The following KCNMB4 variants were observed in gnomAD, a reference collection of about 807,000 sequenced individuals.
KCNMB4 encodes the protein potassium calcium-activated channel subfamily M regulatory beta subunit 4.
In KCNMB4, 3 loss-of-function variants were observed where a neutral mutation model predicts 20.7. The ratio of observed to expected loss-of-function variants is 0.14; its 90% CI spans 0.07 to 0.37. The LOEUF is 0.37. KCNMB4 is among the 10% of genes least tolerant of loss of function. The pLI is 1.00. For synonymous variants in KCNMB4, 110 were observed against 113.4 expected, an observed-to-expected ratio of 0.97 and a Z score of 0.19; for missense variants, 168 against 265.9, an observed-to-expected ratio of 0.63 and a Z score of 2.56.
chr12:70,416,105 C>T (rs149162909), intron 2 of KCNMB4, among the ~76,000 whole-genome samples: 42 of 152,274 alleles, frequency 2.8e-4, no homozygotes, highest in African/African-American at 1.0e-3. Flanking sequence ...GGATCCTCAG[C>T]CCTTCCTGGT....
At chr12:70,416,579 A>G (rs1031990176) in intron 2 of KCNMB4, among the ~76,000 whole-genome samples, 1 of 152,170 alleles carries the variant, frequency 6.6e-6, no homozygotes, top group African/African-American at 2.4e-5. Flanking sequence ...ATATTTCTGT[A>G]TAGTATTTTT....
At chr12:70,374,644 C>G (rs1004817196) in intron 1 of KCNMB4, among the ~76,000 whole-genome samples, 4 of 152,016 alleles carry the variant, frequency 2.6e-5, no homozygotes, top group African/African-American at 9.7e-5. Flanking sequence ...TATAAATAAA[C>G]TAGGATACAT....
intron 2 of KCNMB4, among the ~76,000 whole-genome samples, chr12:70,407,824 T>C (rs1868653437): frequency 6.6e-6 from 1 of 151,860 alleles, no homozygotes; most frequent in South Asian, 2.1e-4. Context: ...TGACAACCGG[T>C]CCCCATCCTC....
In KCNMB4 at chr12:70,431,313, GC is replaced by G. The variant is rs1192902491; in HGVS notation, c.*662del. On this transcript the variant is annotated 3_prime_UTR_variant, in exon 3 of 3. Coordinates refer to ENST00000258111, the MANE Select transcript of KCNMB4 (RefSeq NM_014505.6). ...AACATATCCTCCAACACCTGCCTTT[GC>G]CTAACCATTATTTTTCACCAGATTA... 4 of 152,070 alleles carry G rather than the reference GC, an allele frequency of 2.6e-5. No individual in the cohort carries two copies. The highest frequency in any genetic ancestry group is 9.7e-5 in the African/African-American group (4 of 41,406). The allele number at this position is 152,070 out of a possible 1,614,324, so 9.4% of individuals were successfully genotyped here.
At position 70,422,703 on chromosome 12, in the gene KCNMB4, G is replaced by T. The variant is rs1159270345; in HGVS notation, c.465-7782G>T. On this transcript the variant is annotated intron_variant, in intron 2 of 2. Coordinates refer to ENST00000258111, the MANE Select transcript of KCNMB4 (RefSeq NM_014505.6). ...AAAGTCATAAGCATCCTTCTGGTTT[G>T]CAGGTCTTGATGATTACCCCTCTTT... 3 of 1,288,956 alleles carry T rather than the reference G, an allele frequency of 2.3e-6. No individual in the cohort carries two copies. In the South Asian group the frequency reaches 3.7e-5, roughly 16 times the overall value. 79.8% of individuals were successfully genotyped at this position (1,288,956 alleles called of 1,614,324 possible). A position where few individuals can be genotyped will look rare whatever the true frequency, so the allele number is the denominator to read the frequency against.
chr12:70,392,690 G>A (rs533871529), intron 1 of KCNMB4, among the ~76,000 whole-genome samples: 2 of 152,258 alleles, frequency 1.3e-5, no homozygotes, highest in Admixed American at 6.5e-5. Flanking sequence ...CAGGGACATG[G>A]ATGAAGCTGG....
intron 1 of KCNMB4, among the ~76,000 whole-genome samples, chr12:70,394,260 A>T (rs893546226): frequency 1.3e-5 from 2 of 151,682 alleles, no homozygotes; most frequent in African/African-American, 4.9e-5. Context: ...CCTAGTCTTA[A>T]TCACACTTTG....
chr12:70,398,871 C>T (rs566733689), intron 1 of KCNMB4, among the ~76,000 whole-genome samples: 6 of 152,246 alleles, frequency 3.9e-5, no homozygotes, highest in African/African-American at 1.2e-4. Context: ...TGTGATATCA[C>T]GTGGCGTGAG....
At chr12:70,425,248 A>G (rs1208009948) in intron 2 of KCNMB4, among the ~76,000 whole-genome samples, 2 of 152,078 alleles carry the variant, frequency 1.3e-5, no homozygotes, top group Non-Finnish European at 2.9e-5. Flanking sequence ...CATCCTGGCT[A>G]ACACAGTGAA....
chr12:70,397,195 A>G (rs1868361773), intron 1 of KCNMB4, among the ~76,000 whole-genome samples: 1 of 152,050 alleles, frequency 6.6e-6, no homozygotes, highest in Non-Finnish European at 1.5e-5. Flanking sequence ...CCTTCTCTAC[A>G]AAAAATTAGC....
intron 1 of KCNMB4, among the ~76,000 whole-genome samples, chr12:70,392,718 A>G (rs988641873): frequency 6.6e-6 from 1 of 152,174 alleles, no homozygotes; most frequent in Non-Finnish European, 1.5e-5. Context: ...CATTCTCAGC[A>G]AACTAACACA....
chr12:70,417,920 T>C (rs1161121287), intron 2 of KCNMB4, among the ~76,000 whole-genome samples: 4 of 152,186 alleles, frequency 2.6e-5, no homozygotes, highest in Admixed American at 2.0e-4. Flanking sequence ...CCATTCTTTA[T>C]GGGGGCATTT....
At chr12:70,428,104 G>C (rs544588078) in intron 2 of KCNMB4, among the ~76,000 whole-genome samples, 1 of 151,404 alleles carries the variant, frequency 6.6e-6, no homozygotes, top group African/African-American at 2.4e-5. Flanking sequence ...CTGCAGCCTC[G>C]ACCTCCTGGG....
At chr12:70,400,367 ATTGT>A in intron 2 of KCNMB4, 31 bp downstream of exon 2, 1 of 1,590,434 alleles carries the variant, frequency 6.3e-7, no homozygotes, top group Non-Finnish European at 8.5e-7. Flanking sequence ...GCGTGTTAAA[ATTGT>A]TTGTAGACTC....
intron 2 of KCNMB4, among the ~76,000 whole-genome samples, chr12:70,426,641 T>G (rs997058017): frequency 1.3e-5 from 2 of 152,224 alleles, no homozygotes; most frequent in African/African-American, 2.4e-5. Flanking sequence ...GGGTTTCAAA[T>G]CATGTCATTA....
At chr12:70,415,414 T>G (rs1868889155) in intron 2 of KCNMB4, among the ~76,000 whole-genome samples, 1 of 152,224 alleles carries the variant, frequency 6.6e-6, no homozygotes, top group Non-Finnish European at 1.5e-5. Flanking sequence ...ATTAATTAGA[T>G]TCACAGAGTC....
chr12:70,378,729 G>T (rs761999710), intron 1 of KCNMB4, among the ~76,000 whole-genome samples: 4 of 152,042 alleles, frequency 2.6e-5, no homozygotes, highest in Non-Finnish European at 5.9e-5. Flanking sequence ...TAGAGACAAG[G>T]CTTCACCATG....
intron 1 of KCNMB4, among the ~76,000 whole-genome samples, chr12:70,372,462 A>G (rs535092295): frequency 1.3e-5 from 2 of 152,368 alleles, no homozygotes; most frequent in South Asian, 4.1e-4. Flanking sequence ...CCTGTAGGAC[A>G]GGCAAAAGAT....
At chr12:70,414,109 G>A (rs1445476595) in intron 2 of KCNMB4, among the ~76,000 whole-genome samples, 1 of 152,104 alleles carries the variant, frequency 6.6e-6, no homozygotes, top group Non-Finnish European at 1.5e-5. Context: ...GTGCATGCCT[G>A]TAATCCCAGC....
Sources: gnomAD v4.1 joint callset for allele counts (sites outside exome capture counted in the v4.1 genomes callset) on GRCh38, gnomAD v4.1.1 for gene constraint, MANE v1.5 for transcripts, NCBI Gene and HGNC (gene_info 2026-07-23, HGNC 2026-07-21) for gene names.